The following TEX14 variants were observed in gnomAD, a reference collection of about 807,000 sequenced individuals.
The protein encoded by TEX14 is testis expressed 14, intercellular bridge forming factor.
Under a neutral mutation model 178.6 loss-of-function variants are expected in TEX14, and 168 were observed. That is an observed-to-expected ratio of 0.94 (90% CI 0.83 to 1.07). The LOEUF (loss-of-function observed/expected upper bound fraction) is 1.07. Among genes scored for constraint, TEX14 ranks in the 50% least tolerant of loss-of-function variants. The pLI is 0.00. For missense variants in TEX14, 1,730 were observed against 1,753.6 expected, an observed-to-expected ratio of 0.99 and a Z score of 0.24; for synonymous variants, 626 against 634.1, an observed-to-expected ratio of 0.99 and a Z score of 0.19.
chr17:58,663,418 G>A (rs1382920504), intron 1 of TEX14, among the ~76,000 whole-genome samples: 5 of 123,700 alleles, frequency 4.0e-5, no homozygotes, highest in Non-Finnish European at 8.3e-5. Context: ...GCAAAACTCC[G>A]TCTCAAAAAA....
chr17:58,612,735 C>CAAAAAAAA (rs35618114), intron 9 of TEX14, among the ~76,000 whole-genome samples: 1 of 97,100 alleles, frequency 1.0e-5, no homozygotes. Flanking sequence ...ACTCTTGTCT[C>CAAAAAAAA]AAAAAAAAAA....
Position 58,605,032 on chromosome 17 carries a change from T to C in TEX14, c.1282A>G (p.Thr428Ala), listed in dbSNP as rs1311726395. Reference sequence around the variant, plus strand: ...AAGCTGTAGATGTCTGATTTCACTGTGGCTGCCTTCTGTAAGATCACTTCT... The same window carrying C: ...AAGCTGTAGATGTCTGATTTCACTGCGGCTGCCTTCTGTAAGATCACTTCT... ...APEVILQKAA[T>A]VKSDIYSFSM... is the part of the protein sequence containing the mutation. The change falls in exon 11 of 32, where the codon ACA becomes GCA. Residue 428 changes from threonine to alanine, a missense_variant. Transcript: ENST00000349033. The C allele has an allele frequency of 6.2e-7, 1 of 1,614,128 alleles. No individual in the cohort carries two copies. The highest frequency in any genetic ancestry group is 2.2e-5 in the East Asian group (1 of 44,902).
intron 19 of TEX14, among the ~76,000 whole-genome samples, chr17:58,582,782 T>G (rs1443372869): frequency 6.6e-6 from 1 of 151,714 alleles, no homozygotes; most frequent in Non-Finnish European, 1.5e-5. Context: ...ATGGCTGGTC[T>G]CAAACTCCTG....
chr17:58,659,253 A>T, intron 1 of TEX14: 1 of 765,818 alleles, frequency 1.3e-6, no homozygotes, highest in Non-Finnish European at 1.6e-6. Flanking sequence ...ACCCTCCCCC[A>T]AGAAAAACAC....
intron 1 of TEX14, among the ~76,000 whole-genome samples, chr17:58,659,585 GTTCGCTC>G (rs1479211792): frequency 2.0e-5 from 3 of 152,154 alleles, no homozygotes; most frequent in Non-Finnish European, 2.9e-5. Flanking sequence ...TTACGGATCG[GTTCGCTC>G]TAGCTGCCGC....
intron 1 of TEX14, among the ~76,000 whole-genome samples, chr17:58,691,450 C>T (rs1439420657): frequency 1.3e-5 from 2 of 151,664 alleles, no homozygotes; most frequent in African/African-American, 2.4e-5. Flanking sequence ...AGGCGGATCA[C>T]GAGGTCAGGA....
intron 9 of TEX14, 71 bp downstream of exon 9, chr17:58,613,350 T>C: frequency 6.3e-7 from 1 of 1,593,508 alleles, no homozygotes; most frequent in Non-Finnish European, 8.6e-7. Context: ...TCACCACAGC[T>C]GGGGCAAGAG....
chr17:58,601,413 T>G (rs1474722983), intron 13 of TEX14, among the ~76,000 whole-genome samples: 1 of 151,136 alleles, frequency 6.6e-6, no homozygotes, highest in African/African-American at 2.4e-5. Context: ...TCCCAGCTAC[T>G]CAGGAGGCTG....
intron 20 of TEX14, 79 bp from the exon 21 acceptor site, chr17:58,577,535 C>A: frequency 2.2e-6 from 1 of 455,796 alleles, no homozygotes; most frequent in East Asian, 4.3e-5. Flanking sequence ...TGTCACCATT[C>A]CCTAGAATGT....
intron 1 of TEX14, among the ~76,000 whole-genome samples, chr17:58,678,698 T>C (rs1033126616): frequency 2.6e-5 from 4 of 151,858 alleles, no homozygotes; most frequent in African/African-American, 7.3e-5. Context: ...CGGGGAGGGA[T>C]AGCATTAGGA....
In TEX14 at chr17:58,586,021, A is replaced by G. The variant is rs757729453; in HGVS notation, c.2850T>C (p.His950=). 1.5e-5 allele frequency: 24 copies of G among 1,614,144 alleles called. No homozygotes were observed. In the Admixed American group the frequency reaches 3.8e-4, roughly 26 times the overall value. The change falls in exon 18 of 32, where the codon CAT becomes CAC. Residue 950 remains histidine (H), a synonymous_variant. Transcript: ENST00000349033. ...ATGQLTVPPW[H]PQSSLTLESE... is the part of the protein sequence containing the mutation. ...TCTCTAAAGTCAGACTACTCTGAGG[A>G]TGCCAAGGAGGTACTGTGAGCTGTC...
intron 1 of TEX14, chr17:58,661,143 T>C (rs935881104): frequency 2.4e-6 from 2 of 834,230 alleles, no homozygotes; most frequent in Admixed American, 3.4e-5. Context: ...TGAGATGCCA[T>C]AGCAACGAGG....
At chr17:58,587,843 A>AGCC in intron 16 of TEX14, 53 bp downstream of exon 16, 4 of 1,118,830 alleles carry the variant, frequency 3.6e-6, no homozygotes, top group East Asian at 2.4e-5. Flanking sequence ...GGGTGCCAGA[A>AGCC]CCCACCCCCA....
intron 3 of TEX14, among the ~76,000 whole-genome samples, chr17:58,628,881 T>C (rs1440688807): frequency 6.8e-6 from 1 of 148,084 alleles, no homozygotes; most frequent in Admixed American, 6.8e-5. Flanking sequence ...CAAGACTCCA[T>C]CACAAGAAAA....
chr17:58,690,700 G>C (rs1259220136), intron 1 of TEX14, among the ~76,000 whole-genome samples: 1 of 152,188 alleles, frequency 6.6e-6, no homozygotes. Flanking sequence ...GCAATGGGTT[G>C]AGTGGCCAAC....
Position 58,621,652 on chromosome 17 carries a change from CT to C in TEX14, c.551del (p.Gln184ArgfsTer41). On this transcript the variant is annotated frameshift_variant, in exon 5 of 32. Coordinates refer to ENST00000349033, the MANE Select transcript of TEX14 (RefSeq NM_031272.5). LOFTEE classifies it high-confidence loss of function. ...ACTCTGCTCAAGGCAGTACTCACCC[CT>C]GCACGAGGCCCCCACACCAGGACGG... is the stretch of plus-strand genomic sequence containing the variant. ...YSPSWCGGLV[Q>X]GNPNGSPNRL... 6.2e-7 allele frequency: 1 copy of C among 1,613,316 alleles called. No homozygotes were observed.
At chr17:58,653,109 T>C (rs1160998390) in intron 1 of TEX14, among the ~76,000 whole-genome samples, 1 of 152,170 alleles carries the variant, frequency 6.6e-6, no homozygotes, top group Non-Finnish European at 1.5e-5. Context: ...GCTAATTTTT[T>C]GTATTTTTAG....
chr17:58,570,048 A>G (rs2044484529), intron 25 of TEX14, among the ~76,000 whole-genome samples: 1 of 152,134 alleles, frequency 6.6e-6, no homozygotes, highest in Admixed American at 6.5e-5. Flanking sequence ...ATTTTTAATA[A>G]CAAGGGAAAA....
intron 1 of TEX14, among the ~76,000 whole-genome samples, chr17:58,653,183 G>A (rs2046875757): frequency 6.6e-6 from 1 of 152,116 alleles, no homozygotes; most frequent in African/African-American, 2.4e-5. Context: ...TGATCCGCCT[G>A]CCTCAGCCTC....
Sources: allele counts gnomAD v4.1 joint callset (sites outside exome capture counted in the v4.1 genomes callset), GRCh38; gene constraint gnomAD v4.1.1; transcripts MANE v1.5; gene names NCBI Gene and HGNC (gene_info 2026-07-23, HGNC 2026-07-21).